Variants in KLB observed in about 807,000 individuals in gnomAD.
KLB encodes the protein beta-klotho.
Under a neutral mutation model 88.4 loss-of-function variants are expected in KLB, and 44 were observed. That is an observed-to-expected ratio of 0.50 (90% CI 0.39 to 0.64). KLB has a LOEUF of 0.64. KLB is among the 30% of genes least tolerant of loss of function. The probability of loss-of-function intolerance (pLI) is 0.00; values close to 1 mark genes in which losing one functional copy is unlikely to be tolerated. For synonymous variants in KLB, 548 were observed against 513.4 expected, an observed-to-expected ratio of 1.07 and a Z score of -0.91; for missense variants, 1,137 against 1,304.8, an observed-to-expected ratio of 0.87 and a Z score of 1.98.
rs1389013543 is a variant in KLB at position 39,424,065 on chromosome 4, T to TTTTTTG, written c.826-10126_826-10121dup. Among the ~76,000 whole-genome samples, 23 of 151,810 alleles carry TTTTTTG rather than the reference T, an allele frequency of 1.5e-4. 2 individuals carry two copies. The highest frequency in any genetic ancestry group is 5.6e-4 in the African/African-American group (23 of 41,114). ...ACATCACAATAAATTATGATAGTTA[T>TTTTTTG]TTTTTGTTTTTGTTTTTGTTTTTGA... On this transcript the variant is annotated intron_variant, in intron 1 of 4. Coordinates refer to ENST00000257408, the MANE Select transcript of KLB (RefSeq NM_175737.4).
In KLB at chr4:39,446,425, G is replaced by C; in HGVS notation, c.1699G>C (p.Val567Leu). The C allele has an allele frequency of 6.2e-7, 1 of 1,614,224 alleles. No homozygotes were observed. Among genetic ancestry groups the C allele is most frequent in the Non-Finnish European group, 8.5e-7 (1 of 1,180,032 alleles). The change falls in exon 4 of 5, where the codon GTG becomes CTG. Residue 567 changes from valine to leucine, a missense_variant. Val to Leu is a conservative substitution (Grantham distance 32). Around this residue, in one of 4 missense-constraint regions of KLB, gnomAD observed 597 missense variants for 765.2 expected, o/e 0.78. Coordinates refer to ENST00000257408, the MANE Select transcript of KLB (RefSeq NM_175737.4). This position sits in a 1 kb window ranked among gnomAD's most constrained non-coding sequence, Gnocchi z 6.4. ...CAGACTGTTGCACCGAGTGGAAGGGGTGAGGCTGAAAACACGACCCGCTCA... is the reference window on the plus strand; with the variant it reads ...CAGACTGTTGCACCGAGTGGAAGGGCTGAGGCTGAAAACACGACCCGCTCA... The part of the protein sequence containing the change: ...GNRLLHRVEG[V>L]RLKTRPAQCT...
At chr4:39,422,276 T>A (rs1281594734) in intron 1 of KLB, among the ~76,000 whole-genome samples, 1 of 152,208 alleles carries the variant, frequency 6.6e-6, no homozygotes, top group Non-Finnish European at 1.5e-5. Flanking sequence ...ACTGATATCT[T>A]GGGCAGGTCA....
intron 2 of KLB, among the ~76,000 whole-genome samples, chr4:39,437,272 T>A (rs1314809129): frequency 1.3e-5 from 2 of 152,234 alleles, no homozygotes; most frequent in South Asian, 4.1e-4. Flanking sequence ...CATTCATTTA[T>A]GTTAATTCTA....
chr4:39,412,272 T>C (rs536573032), intron 1 of KLB, among the ~76,000 whole-genome samples: 1 of 152,224 alleles, frequency 6.6e-6, no homozygotes, highest in Middle Eastern at 3.4e-3. Context: ...CAAAAGGACA[T>C]AAATAAATAA....
At position 39,437,887 on chromosome 4, in the gene KLB, CA is replaced by C. The variant is rs1237916807; in HGVS notation, c.1500del (p.Lys500AsnfsTer11). On this transcript the variant is annotated frameshift_variant, in exon 3 of 5. Transcript: ENST00000257408. LOFTEE classifies it high-confidence loss of function. ...RKPKSSAHYYKQIIRENGFSL... is the reference protein window; with the variant it reads ...RKPKSSAHYYXQIIRENGFSL... Reference sequence around the variant, plus strand: ...AACCTAAGTCTTCAGCACACTACTACAAACAGATCATACGAGAAAATGGTTT... The same window carrying C: ...AACCTAAGTCTTCAGCACACTACTACAACAGATCATACGAGAAAATGGTTT... 1 of 1,614,172 alleles carries C rather than the reference CA, an allele frequency of 6.2e-7. No individual in the cohort carries two copies. The highest frequency in any genetic ancestry group is 8.5e-7 in the Non-Finnish European group (1 of 1,180,016).
At chr4:39,447,554 G>T (rs1464000293) in intron 4 of KLB, 79 bp downstream of exon 4, 3 of 1,253,906 alleles carry the variant, frequency 2.4e-6, no homozygotes, top group East Asian at 2.4e-5. Flanking sequence ...GGAGCAGCAG[G>T]CTGGTGCCTG....
At chr4:39,425,145 A>G (rs1334866962) in intron 1 of KLB, among the ~76,000 whole-genome samples, 1 of 152,224 alleles carries the variant, frequency 6.6e-6, no homozygotes, top group Non-Finnish European at 1.5e-5. Context: ...AGAGAACTTC[A>G]CTAAAGCACT....
chr4:39,444,112 G>A (rs1479242510), intron 3 of KLB, among the ~76,000 whole-genome samples: 4 of 152,084 alleles, frequency 2.6e-5, no homozygotes, highest in African/African-American at 4.8e-5. Flanking sequence ...AGCCAAGATC[G>A]CGCCATTGCA....
chr4:39,446,210 G>A lies in KLB; in HGVS notation c.1606-122G>A. ...TCTGGTCTCCTTGGGAGATTTCAAG[G>A]GCTGGAATAGGCCTGGCGTGGTGGC... On this transcript the variant is annotated intron_variant, in intron 3 of 4. Transcript: ENST00000257408. The surrounding 1 kb of genome is among the most constrained non-coding windows in gnomAD (Gnocchi z 6.4). 3.7e-6 allele frequency: 3 copies of A among 813,016 alleles called. No individual in the cohort carries two copies. The highest frequency in any genetic ancestry group is 3.6e-5 in the South Asian group (2 of 55,254). 50.4% of individuals were successfully genotyped at this position (813,016 alleles called of 1,614,324 possible).
intron 1 of KLB, 108 bp from the exon 2 acceptor site, chr4:39,434,102 A>C (rs1260622832): frequency 9.4e-7 from 1 of 1,062,880 alleles, no homozygotes; most frequent in African/African-American, 1.6e-5. Flanking sequence ...CTTTCCCCTG[A>C]ATCACTGTAC....
At chr4:39,416,879 CT>C (rs1438561870) in intron 1 of KLB, among the ~76,000 whole-genome samples, 1 of 152,148 alleles carries the variant, frequency 6.6e-6, no homozygotes, top group African/African-American at 2.4e-5. Flanking sequence ...GCTGCAACTG[CT>C]TTCTTGAACA....
intron 1 of KLB, among the ~76,000 whole-genome samples, chr4:39,416,466 A>G (rs1742966646): frequency 6.6e-6 from 1 of 152,220 alleles, no homozygotes. Context: ...AAAATTATTA[A>G]ACAAAATTTA....
chr4:39,407,835 C>A, intron 1 of KLB, 61 bp downstream of exon 1: 1 of 1,002,154 alleles, frequency 1.0e-6, no homozygotes, highest in Non-Finnish European at 1.4e-6. Context: ...AAGAATTTAC[C>A]TTCTGCCTCA....
chr4:39,426,377 T>G (rs1471763576), intron 1 of KLB, among the ~76,000 whole-genome samples: 2 of 116,876 alleles, frequency 1.7e-5, no homozygotes, highest in African/African-American at 6.7e-5. Flanking sequence ...ATCGCGCCAC[T>G]ACACTCCAGC....
intron 3 of KLB, among the ~76,000 whole-genome samples, chr4:39,442,584 C>A (rs947799466): frequency 2.4e-4 from 37 of 152,158 alleles, no homozygotes; most frequent in African/African-American, 8.7e-4. Context: ...CAGGTGCCCC[C>A]CACCATGCCC....
chr4:39,441,922 T>C (rs1743606494), intron 3 of KLB, among the ~76,000 whole-genome samples: 1 of 148,954 alleles, frequency 6.7e-6, no homozygotes, highest in African/African-American at 2.6e-5. Flanking sequence ...GGGAGACTGA[T>C]AAAATTAAAG....
rs1246107277 is a variant in KLB at position 39,448,734 on chromosome 4, A to G, written c.*48A>G. On this transcript the variant is annotated 3_prime_UTR_variant, in exon 5 of 5. Coordinates refer to ENST00000257408, the MANE Select transcript of KLB (RefSeq NM_175737.4). Reference sequence around the variant, plus strand: ...CAGTTTAAAAATTCATCCCAGTTCCATATGCTGGTAACTTACAGGAGATAT... The same window carrying G: ...CAGTTTAAAAATTCATCCCAGTTCCGTATGCTGGTAACTTACAGGAGATAT... 2.0e-6 allele frequency: 3 copies of G among 1,534,238 alleles called. No individual in the cohort carries two copies. Among genetic ancestry groups the G allele is most frequent in the African/African-American group, 2.7e-5 (2 of 72,894 alleles).
rs1244240805 is a variant in KLB, at chr4:39,436,191, A to G, written c.1336+1471A>G. Among the ~76,000 whole-genome samples the G allele has an allele frequency of 2.6e-5, 4 of 152,164 alleles. No individual in the cohort carries two copies. In the East Asian group the frequency reaches 5.8e-4, roughly 22 times the overall value. On this transcript the variant is annotated intron_variant, in intron 2 of 4. Coordinates refer to ENST00000257408, the MANE Select transcript of KLB (RefSeq NM_175737.4). ...TCTCATATTAAGGAATTCTCCATGG[A>G]TCTTTCTAAAATTCTGTTGCTCTCT...
chr4:39,429,262 C>T (rs1045250516), intron 1 of KLB, among the ~76,000 whole-genome samples: 2 of 152,198 alleles, frequency 1.3e-5, no homozygotes, highest in Non-Finnish European at 2.9e-5. Context: ...TCCTTGAATA[C>T]ACTGGTGTGA....
Sources: gnomAD v4.1 joint callset for allele counts (sites outside exome capture counted in the v4.1 genomes callset) on GRCh38, gnomAD v4.1.1 for gene constraint, gnomAD v4.1.1 regional missense constraint, Gnocchi (gnomAD v3.1) non-coding constraint, MANE v1.5 for transcripts, NCBI Gene and HGNC (gene_info 2026-07-23, HGNC 2026-07-21) for gene names.